Variants in LINGO1 observed in about 807,000 individuals in gnomAD.
LINGO1 encodes leucine rich repeat and Ig domain containing 1.
Under a neutral mutation model 37.3 loss-of-function variants are expected in LINGO1, and 11 were observed. The observed-to-expected ratio is 0.29, with a 90% CI of 0.19 to 0.49. The LOEUF (loss-of-function observed/expected upper bound fraction) is 0.49, where lower values mean the gene tolerates loss of function less well. LINGO1 is among the 20% of genes least tolerant of loss of function. The probability of loss-of-function intolerance (pLI) is 0.99; values close to 1 mark genes in which losing one functional copy is unlikely to be tolerated. For synonymous variants in LINGO1, 387 were observed against 403.0 expected, an observed-to-expected ratio of 0.96 and a Z score of 0.48; for missense variants, 585 against 878.2, an observed-to-expected ratio of 0.67 and a Z score of 4.22.
Position 77,615,036 on chromosome 15 carries a change from A to T in LINGO1, c.871T>A (p.Phe291Ile), listed in dbSNP as rs1256645829. The change falls in exon 2 of 2, where the codon TTC becomes ATC. Residue 291 changes from phenylalanine to isoleucine, a missense_variant. Physicochemically the swap from Phe to Ile is conservative, Grantham distance 21 (BLOSUM62 0). Around this residue, in one of 4 missense-constraint regions of LINGO1, gnomAD observed 484 missense variants for 735.0 expected, o/e 0.66. Transcript: ENST00000355300. The part of the protein sequence containing the change: ...LAVRHLVYLR[F>I]LNLSYNPIST... ...ATGGGGTTGTAGGAGAGGTTGAGGAAGCGGAGATAGACTAGGTGGCGGACG... is the reference window on the plus strand; with the variant it reads ...ATGGGGTTGTAGGAGAGGTTGAGGATGCGGAGATAGACTAGGTGGCGGACG... 3 of 1,613,892 alleles carry T rather than the reference A, an allele frequency of 1.9e-6. No homozygotes were observed. The highest frequency in any genetic ancestry group is 8.5e-7 in the Non-Finnish European group (1 of 1,179,906).
intron 1 of LINGO1, among the ~76,000 whole-genome samples, chr15:77,815,882 T>C (rs553362072): frequency 2.8e-4 from 42 of 152,310 alleles, no homozygotes; most frequent in Non-Finnish European, 5.7e-4. Context: ...CTCTTCTGTC[T>C]GGTGCCAACC....
chr15:77,750,727 C>T (rs1314115600), intron 1 of LINGO1, among the ~76,000 whole-genome samples: 1 of 152,246 alleles, frequency 6.6e-6, no homozygotes, highest in Non-Finnish European at 1.5e-5. Context: ...GATATTTTTT[C>T]ACTCAATAAA....
intron 3 of LINGO1, among the ~76,000 whole-genome samples, chr15:77,662,014 C>T (rs1202417130): frequency 6.6e-6 from 1 of 152,214 alleles, no homozygotes; most frequent in Non-Finnish European, 1.5e-5. Context: ...TCCATGACCT[C>T]TGGATGGGGC....
chr15:77,806,699 G>C (rs2076962580), intron 1 of LINGO1, among the ~76,000 whole-genome samples: 1 of 152,084 alleles, frequency 6.6e-6, no homozygotes, highest in Non-Finnish European at 1.5e-5. Flanking sequence ...TACTCTAGGG[G>C]ACCCCGACCC....
At chr15:77,780,781 C>T (rs899488923) in intron 1 of LINGO1, among the ~76,000 whole-genome samples, 2 of 151,854 alleles carry the variant, frequency 1.3e-5, no homozygotes, top group Non-Finnish European at 2.9e-5. Flanking sequence ...CTCCCCCCAC[C>T]CCCACCATGT....
At chr15:77,801,895 C>T (rs2076922109) in intron 1 of LINGO1, among the ~76,000 whole-genome samples, 1 of 152,168 alleles carries the variant, frequency 6.6e-6, no homozygotes, top group Non-Finnish European at 1.5e-5. Context: ...TCCGGGCCTC[C>T]CAGGCGAGGG....
chr15:77,659,619 G>C (rs908070751), intron 3 of LINGO1, among the ~76,000 whole-genome samples: 2 of 152,316 alleles, frequency 1.3e-5, no homozygotes, highest in South Asian at 4.1e-4. Flanking sequence ...TCTGAGTTCA[G>C]AGTCCCTGGG....
At chr15:77,814,558 T>C (rs2077033190) in intron 1 of LINGO1, among the ~76,000 whole-genome samples, 1 of 152,238 alleles carries the variant, frequency 6.6e-6, no homozygotes, top group Non-Finnish European at 1.5e-5. Context: ...TAACATTTAC[T>C]GAGATCCTAC....
At chr15:77,753,092 T>C (rs949688736) in intron 1 of LINGO1, among the ~76,000 whole-genome samples, 25 of 152,254 alleles carry the variant, frequency 1.6e-4, no homozygotes, top group African/African-American at 5.8e-4. Context: ...GCCGTTGTCA[T>C]GGCTGTGGCT....
intron 1 of LINGO1, among the ~76,000 whole-genome samples, chr15:77,770,710 C>T (rs2076576931): frequency 6.6e-6 from 1 of 152,306 alleles, no homozygotes; most frequent in South Asian, 2.1e-4. Context: ...ATCCGGGGAC[C>T]CTTCAGGACA....
chr15:77,777,178 G>A (rs1208110719), intron 1 of LINGO1, among the ~76,000 whole-genome samples: 1 of 152,150 alleles, frequency 6.6e-6, no homozygotes, highest in Non-Finnish European at 1.5e-5. Flanking sequence ...CAATTACAGG[G>A]GATAGTGAGG....
upstream of LINGO1, among the ~76,000 whole-genome samples, chr15:77,698,149 G>A (rs2075720916): frequency 6.6e-6 from 1 of 152,168 alleles, no homozygotes; most frequent in Non-Finnish European, 1.5e-5. Flanking sequence ...GGGCGGATGA[G>A]GGAGGGTTCT....
intron 2 of LINGO1, among the ~76,000 whole-genome samples, chr15:77,708,342 G>A (rs944734945): frequency 1.3e-5 from 2 of 152,150 alleles, no homozygotes; most frequent in South Asian, 2.1e-4. Context: ...TCGGGAGGCT[G>A]GAACCCTGTT....
At chr15:77,716,298 T>TTTTTTTG (rs1414009888) in intron 2 of LINGO1, among the ~76,000 whole-genome samples, 1 of 145,068 alleles carries the variant, frequency 6.9e-6, no homozygotes, top group African/African-American at 2.5e-5. Context: ...TTTTTTTTTT[T>TTTTTTTG]GAGACAGGGT....
At chr15:77,761,216 C>T (rs2076473776) in intron 1 of LINGO1, among the ~76,000 whole-genome samples, 1 of 152,018 alleles carries the variant, frequency 6.6e-6, no homozygotes, top group African/African-American at 2.4e-5. Context: ...AGGTGTGAGC[C>T]ACTGCACCTG....
At chr15:77,778,966 C>T (rs560957723) in intron 1 of LINGO1, among the ~76,000 whole-genome samples, 2 of 152,274 alleles carry the variant, frequency 1.3e-5, no homozygotes, top group South Asian at 2.1e-4. Flanking sequence ...TTACCACTCA[C>T]GCCCACCGCC....
chr15:77,673,942 AT>A (rs138481163), intron 3 of LINGO1, among the ~76,000 whole-genome samples: 3 of 151,178 alleles, frequency 2.0e-5, no homozygotes, highest in East Asian at 2.0e-4. Flanking sequence ...GAAATTCTTA[AT>A]TTTTTTTTAG....
At chr15:77,714,394 G>A (rs1411595970) in intron 2 of LINGO1, among the ~76,000 whole-genome samples, 1 of 152,084 alleles carries the variant, frequency 6.6e-6, no homozygotes, top group Non-Finnish European at 1.5e-5. Context: ...CTTAACCCAA[G>A]CTCATTCACG....
intron 3 of LINGO1, among the ~76,000 whole-genome samples, chr15:77,660,950 T>C (rs1356486922): frequency 1.3e-5 from 2 of 152,010 alleles, no homozygotes; most frequent in East Asian, 1.9e-4. Flanking sequence ...CAGGGAGAGT[T>C]TGGGGAGACA....
Sources: gnomAD v4.1 joint callset for allele counts (sites outside exome capture counted in the v4.1 genomes callset) on GRCh38, gnomAD v4.1.1 for gene constraint, gnomAD v4.1.1 regional missense constraint, MANE v1.5 for transcripts, NCBI Gene and HGNC (gene_info 2026-07-23, HGNC 2026-07-21) for gene names.